Variants in MCC observed in about 807,000 individuals in gnomAD.
MCC encodes the protein colorectal mutant cancer protein.
In MCC, 90 loss-of-function variants were observed where a neutral mutation model predicts 116.2. That is an observed-to-expected ratio of 0.77 (90% CI 0.65 to 0.92). The LOEUF (loss-of-function observed/expected upper bound fraction) is 0.92, where lower values mean the gene tolerates loss of function less well. MCC is among the 40% of genes least tolerant of loss of function. MCC has a pLI of 0.00. For missense variants in MCC, 1,516 were observed against 1,312.2 expected (o/e 1.16, Z -2.40); for synonymous variants, 578 against 510.5 (o/e 1.13, Z -1.78).
intron 3 of MCC, among the ~76,000 whole-genome samples, chr5:113,247,069 A>G (rs1764608723): frequency 6.6e-6 from 1 of 152,204 alleles, no homozygotes; most frequent in Non-Finnish European, 1.5e-5. Flanking sequence ...GGTTTATGAC[A>G]AAGGAAGGTG....
At chr5:113,240,921 G>A (rs1486743371) in intron 3 of MCC, among the ~76,000 whole-genome samples, 3 of 152,144 alleles carry the variant, frequency 2.0e-5, no homozygotes, top group Admixed American at 1.3e-4. Flanking sequence ...AGAGCATCAC[G>A]GAGTCAGGTG....
intron 1 of MCC, among the ~76,000 whole-genome samples, chr5:113,387,290 A>AT (rs1419405127): frequency 1.3e-5 from 2 of 152,080 alleles, no homozygotes; most frequent in Non-Finnish European, 2.9e-5. Flanking sequence ...AGATTTTGTG[A>AT]TTTTTCTTCC....
intron 1 of MCC, among the ~76,000 whole-genome samples, chr5:113,431,179 G>A (rs1770629902): frequency 6.6e-6 from 1 of 152,146 alleles, no homozygotes; most frequent in Non-Finnish European, 1.5e-5. Flanking sequence ...AGAGAGTTGA[G>A]AAGAGATGAA....
At chr5:113,246,390 G>T (rs1305731239) in intron 3 of MCC, among the ~76,000 whole-genome samples, 2 of 152,312 alleles carry the variant, frequency 1.3e-5, no homozygotes, top group East Asian at 3.9e-4. Flanking sequence ...GGGAAGTAAA[G>T]GGGAAAAGCC....
chr5:113,160,008 T>G (rs1760395832), intron 3 of MCC, among the ~76,000 whole-genome samples: 1 of 152,208 alleles, frequency 6.6e-6, no homozygotes, highest in Non-Finnish European at 1.5e-5. Context: ...CAGTGGCCCC[T>G]GAATTATTTC....
chr5:113,214,709 T>C (rs1159703256), intron 3 of MCC, among the ~76,000 whole-genome samples: 2 of 152,204 alleles, frequency 1.3e-5, no homozygotes, highest in African/African-American at 4.8e-5. Context: ...CTAATTGTTC[T>C]TACCACTTCT....
At chr5:113,353,588 A>G (rs1037987229) in intron 2 of MCC, among the ~76,000 whole-genome samples, 23 of 152,324 alleles carry the variant, frequency 1.5e-4, no homozygotes, top group Non-Finnish European at 3.2e-4. Context: ...ATACGTAAAC[A>G]TTTAAACCAA....
At chr5:113,201,998 CCCAGTTTTTACTGGCTG>C (rs1389316111) in intron 3 of MCC, among the ~76,000 whole-genome samples, 2 of 152,122 alleles carry the variant, frequency 1.3e-5, no homozygotes, top group African/African-American at 4.8e-5. Flanking sequence ...CTCTTTCCCT[CCCAGTTTTTACTGGCTG>C]CCAGCACAAC....
At chr5:113,037,457 T>A (rs1396619276) in intron 17 of MCC, among the ~76,000 whole-genome samples, 1 of 152,032 alleles carries the variant, frequency 6.6e-6, no homozygotes, top group East Asian at 1.9e-4. Context: ...CTTTGTGAGG[T>A]TGAGGCGGGC....
intron 1 of MCC, among the ~76,000 whole-genome samples, chr5:113,480,184 C>A (rs532703038): frequency 1.1e-4 from 17 of 152,188 alleles, no homozygotes; most frequent in African/African-American, 4.1e-4. Context: ...AGCAAACTAC[C>A]ATATTCTCCA....
chr5:113,371,646 C>G (rs767777891), intron 2 of MCC, among the ~76,000 whole-genome samples: 22 of 152,142 alleles, frequency 1.4e-4, no homozygotes, highest in Non-Finnish European at 2.9e-4. Flanking sequence ...TTAAATGGAT[C>G]AACTGGAAAC....
At chr5:113,273,819 G>GA (rs947503916) in intron 3 of MCC, among the ~76,000 whole-genome samples, 27 of 148,268 alleles carry the variant, frequency 1.8e-4, no homozygotes, top group East Asian at 3.9e-4. Flanking sequence ...GACGGGATGA[G>GA]AAAAAAAAAA....
chr5:113,239,068 G>C (rs754041028), intron 3 of MCC, among the ~76,000 whole-genome samples: 1 of 151,644 alleles, frequency 6.6e-6, no homozygotes, highest in Non-Finnish European at 1.5e-5. Flanking sequence ...CTGCTTTTTA[G>C]GATATATAAC....
intron 17 of MCC, among the ~76,000 whole-genome samples, chr5:113,032,200 C>T (rs565224162): frequency 5.5e-4 from 83 of 152,238 alleles, no homozygotes; most frequent in African/African-American, 2.0e-3. Flanking sequence ...CACCTGATGT[C>T]GGGAGTTCAA....
intron 1 of MCC, among the ~76,000 whole-genome samples, chr5:113,406,773 TAG>T (rs1320351591): frequency 6.6e-6 from 1 of 152,140 alleles, no homozygotes; most frequent in Non-Finnish European, 1.5e-5. Flanking sequence ...AAAGAGAATT[TAG>T]AGTCACTGAT....
chr5:113,141,193 A>G (rs1759161423), intron 5 of MCC, among the ~76,000 whole-genome samples: 1 of 152,190 alleles, frequency 6.6e-6, no homozygotes, highest in South Asian at 2.1e-4. Flanking sequence ...TGGACATCAG[A>G]ACTCCTGGCT....
At chr5:113,091,610 C>T (rs552362541) in intron 8 of MCC, among the ~76,000 whole-genome samples, 17 of 152,228 alleles carry the variant, frequency 1.1e-4, no homozygotes, top group African/African-American at 3.6e-4. Context: ...GGGCTAGGCA[C>T]GGTGGCTTTG....
chr5:113,488,266 T>C lies in MCC; in HGVS notation c.149A>G (p.Asp50Gly). The C allele has an allele frequency of 1.3e-6, 2 of 1,595,640 alleles. No homozygotes were observed. The highest frequency in any genetic ancestry group is 1.7e-5 in the Admixed American group (1 of 58,796). ...GTACCTGCTGATGTATCCGTCCCCG[T>C]CGCCGTCGCACGTCTGGAAGAGGCG... ...MRRLFQTCDGDGDGYISRNDL... is the reference protein window; with the variant it reads ...MRRLFQTCDGGGDGYISRNDL... The change falls in exon 1 of 19, where the codon GAC (aspartate) becomes GGC (glycine). Residue 50 changes from aspartate to glycine, a missense_variant. Coordinates refer to ENST00000408903, the MANE Select transcript of MCC (RefSeq NM_001085377.2).
intron 3 of MCC, among the ~76,000 whole-genome samples, chr5:113,260,438 G>A (rs369459284): frequency 3.3e-5 from 5 of 152,088 alleles, no homozygotes; most frequent in South Asian, 4.1e-4. Context: ...ACGGTGTTTA[G>A]GTTGAAGTAC....
Sources: allele counts gnomAD v4.1 joint callset (sites outside exome capture counted in the v4.1 genomes callset), GRCh38; gene constraint gnomAD v4.1.1; transcripts MANE v1.5; gene names NCBI Gene and HGNC (gene_info 2026-07-23, HGNC 2026-07-21).